EXT2: variants seen among roughly 807,000 people sequenced by gnomAD.
EXT2 encodes exostosin glycosyltransferase 2, also known as exostosin-2.
Under a neutral mutation model 81.6 loss-of-function variants are expected in EXT2, and 53 were observed. The ratio of observed to expected loss-of-function variants is 0.65; its 90% confidence interval spans 0.52 to 0.82. EXT2 has a LOEUF of 0.82. Ranked by LOEUF, EXT2 falls within the 40% of genes least tolerant of loss-of-function variation. The probability of loss-of-function intolerance (pLI) is 0.00; values close to 1 mark genes in which losing one functional copy is unlikely to be tolerated. For missense variants in EXT2, 774 were observed against 910.2 expected (o/e 0.85, Z 1.93); for synonymous variants, 320 against 340.0 (o/e 0.94, Z 0.65).
At chr11:44,209,988 C>A (rs1437404957) in intron 10 of EXT2, among the ~76,000 whole-genome samples, 4 of 152,212 alleles carry the variant, frequency 2.6e-5, no homozygotes, top group Non-Finnish European at 5.9e-5. Flanking sequence ...CCCTTACCAA[C>A]ACACGTATGA....
At chr11:44,237,930 A>C (rs978878669) in intron 13 of EXT2, among the ~76,000 whole-genome samples, 5 of 147,876 alleles carry the variant, frequency 3.4e-5, no homozygotes, top group South Asian at 2.2e-4. Context: ...AAAAAAAAAA[A>C]CATACAAAGT....
At chr11:44,096,164 T>G (rs931926355) in intron 1 of EXT2, 36 of 1,295,728 alleles carry the variant, frequency 2.8e-5, no homozygotes, top group Non-Finnish European at 3.6e-5. Context: ...CCTTTCCTCC[T>G]GCGACCCGCC....
At chr11:44,154,266 C>A (rs1954831154) in intron 7 of EXT2, among the ~76,000 whole-genome samples, 1 of 152,034 alleles carries the variant, frequency 6.6e-6, no homozygotes, top group Non-Finnish European at 1.5e-5. Flanking sequence ...TTTTTGTACC[C>A]ATTAACCATC....
rs1590618589 is a variant in EXT2 at position 44,171,523 on chromosome 11, G to A, written c.1174-88G>A. On this transcript the variant is annotated intron_variant, in intron 7 of 13. Coordinates refer to ENST00000533608, the MANE Select transcript of EXT2 (RefSeq NM_207122.2). ...TACAACTTTGGGAATAAAGGAATTA[G>A]CCTAACCTGGAGTTGACTATGATAG... 1.0e-5 allele frequency: 16 copies of A among 1,600,626 alleles called. No homozygotes were observed. In the East Asian group the frequency reaches 3.6e-4, roughly 36 times the overall value.
chr11:44,177,453 G>A (rs1955174329), intron 8 of EXT2, among the ~76,000 whole-genome samples: 1 of 152,078 alleles, frequency 6.6e-6, no homozygotes, highest in African/African-American at 2.4e-5. Context: ...GGTTCTCCTT[G>A]GACACCCTCC....
At chr11:44,173,552 CTTCT>C (rs1176276270) in intron 8 of EXT2, among the ~76,000 whole-genome samples, 2 of 104,696 alleles carry the variant, frequency 1.9e-5, no homozygotes, top group Non-Finnish European at 3.8e-5. Context: ...CTTTTTTTTT[CTTCT>C]TTCTTTCTTT....
rs1956126041 is a variant in EXT2 at position 44,249,958 on chromosome 11, T to C, written c.*5671T>C. On this transcript the variant is annotated 3_prime_UTR_variant, in exon 14 of 14. Transcript: ENST00000533608. ...AGTGGCAGGCACCTGTAGCCCCAGCTACTCGGGAGGCTGAGGCAGGAGAAT... is the reference window on the plus strand; with the variant it reads ...AGTGGCAGGCACCTGTAGCCCCAGCCACTCGGGAGGCTGAGGCAGGAGAAT... Among the ~76,000 whole-genome samples, 1 of 152,190 alleles carries C rather than the reference T, an allele frequency of 6.6e-6. No individual in the cohort carries two copies. The highest frequency in any genetic ancestry group is 6.5e-5 in the Admixed American group (1 of 15,280).
rs754502872 is a variant in EXT2 at position 44,246,012 on chromosome 11, TG to T, written c.*1728del. Among the ~76,000 whole-genome samples, 6 of 152,240 alleles carry T rather than the reference TG, an allele frequency of 3.9e-5. No homozygotes were observed. Among genetic ancestry groups the T allele is most frequent in the Non-Finnish European group, 8.8e-5 (6 of 68,038 alleles). On this transcript the variant is annotated 3_prime_UTR_variant, in exon 14 of 14. Transcript: ENST00000533608. ...AGGTGCTTACCAAATACTTTTGATT[TG>T]GGTAATGTGTACTGGTCAGTAGGAG...
chr11:44,213,493 A>G (rs966799193), intron 10 of EXT2, among the ~76,000 whole-genome samples: 3 of 152,246 alleles, frequency 2.0e-5, no homozygotes, highest in Admixed American at 2.0e-4. Flanking sequence ...ACTACTGTCA[A>G]AACAAATGGA....
intron 10 of EXT2, among the ~76,000 whole-genome samples, chr11:44,209,988 C>G (rs1437404957): frequency 1.3e-5 from 2 of 152,212 alleles, no homozygotes; most frequent in African/African-American, 2.4e-5. Flanking sequence ...CCCTTACCAA[C>G]ACACGTATGA....
rs766467969 is a variant in EXT2, at chr11:44,126,879, T to C, written c.1003T>C (p.Leu335=). The change falls in exon 6 of 14, where the codon TTA becomes CTA. Residue 335 remains leucine, a synonymous_variant. Transcript: ENST00000533608. ...RLGQAVLSDV[L]QAGCVPVVIA... ...GGGCCAGGCAGTATTGAGCGATGTGTTACAAGCTGGCTGTGTCCCGGTTGT... is the reference window on the plus strand; with the variant it reads ...GGGCCAGGCAGTATTGAGCGATGTGCTACAAGCTGGCTGTGTCCCGGTTGT... 4.2e-5 allele frequency: 68 copies of C among 1,614,118 alleles called. No homozygotes were observed. The highest frequency in any genetic ancestry group is 5.5e-5 in the Non-Finnish European group (65 of 1,180,050).
intron 7 of EXT2, among the ~76,000 whole-genome samples, chr11:44,156,619 T>C (rs1240588351): frequency 6.6e-6 from 1 of 152,240 alleles, no homozygotes; most frequent in East Asian, 1.9e-4. Context: ...CTGAATTCCT[T>C]CTCTCTGTTG....
intron 1 of EXT2, 134 bp from the exon 2 acceptor site, chr11:44,107,549 A>C: frequency 2.5e-6 from 2 of 799,572 alleles, no homozygotes; most frequent in Non-Finnish European, 3.9e-6. Flanking sequence ...GCACCACTGC[A>C]CTCCAGCCTG....
chr11:44,186,326 C>G (rs187152230), intron 8 of EXT2, among the ~76,000 whole-genome samples: 2 of 152,190 alleles, frequency 1.3e-5, no homozygotes, highest in Admixed American at 6.5e-5. Context: ...CATATGGAAC[C>G]CTCTCTTCCC....
chr11:44,210,640 T>C (rs1955636473), intron 10 of EXT2, among the ~76,000 whole-genome samples: 2 of 152,190 alleles, frequency 1.3e-5, no homozygotes. Context: ...ATTATACACT[T>C]TAAATAAATT....
rs757680866 is a variant in EXT2 at position 44,114,239 on chromosome 11, T to C, written c.681T>C (p.Asp227=). 4 of 1,614,148 alleles carry C rather than the reference T, an allele frequency of 2.5e-6. No individual in the cohort carries two copies. Among genetic ancestry groups the C allele is most frequent in the East Asian group, 4.5e-5 (2 of 44,880 alleles). Residue 227 remains aspartate (D), a synonymous_variant, in exon 4 of 14, where the codon GAT becomes GAC. Coordinates refer to ENST00000533608, the MANE Select transcript of EXT2 (RefSeq NM_207122.2). The stretch of plus-strand genomic sequence containing the variant: ...CGTGGACTTACCGGCAAGGCTACGA[T>C]GTCAGCATTCCTGTCTATAGTCCAC... The part of the protein sequence containing the change: ...FSTWTYRQGY[D]VSIPVYSPLS...
In EXT2 at chr11:44,108,164, G is replaced by A. The variant is rs891474861; in HGVS notation, c.452G>A (p.Cys151Tyr). The A allele has an allele frequency of 6.2e-7, 1 of 1,614,084 alleles. No individual in the cohort carries two copies. Among genetic ancestry groups the A allele is most frequent in the Non-Finnish European group, 8.5e-7 (1 of 1,180,030 alleles). Residue 151 changes from cysteine (C) to tyrosine (Y), a missense_variant, in exon 2 of 14, where the codon TGT (cysteine) becomes TAT (tyrosine). Cys to Tyr is a radical substitution (Grantham distance 194, BLOSUM62 -2). Transcript: ENST00000533608. ...DYYTDDINRACLFVPSIDVLN... is the reference protein window; with the variant it reads ...DYYTDDINRAYLFVPSIDVLN... ...TACACTGATGACATCAACCGGGCCT[G>A]TCTGTTTGTTCCCTCCATCGATGTG...
chr11:44,230,822 C>T (rs1462816905), intron 10 of EXT2, among the ~76,000 whole-genome samples: 1 of 152,086 alleles, frequency 6.6e-6, no homozygotes, highest in Admixed American at 6.5e-5. Flanking sequence ...TCTTTGTTAA[C>T]AGCAACCCTA....
chr11:44,191,267 G>A (rs1347799741), intron 8 of EXT2, among the ~76,000 whole-genome samples: 6 of 152,242 alleles, frequency 3.9e-5, no homozygotes, highest in African/African-American at 1.4e-4. Context: ...AACGGTGGGA[G>A]AATGGGCAAG....
Sources: gnomAD v4.1 joint callset for allele counts (sites outside exome capture counted in the v4.1 genomes callset) on GRCh38, gnomAD v4.1.1 for gene constraint, MANE v1.5 for transcripts, NCBI Gene and HGNC (gene_info 2026-07-23, HGNC 2026-07-21) for gene names.